EDA2R: variants seen among roughly 807,000 people sequenced by gnomAD.
The protein encoded by EDA2R is tumor necrosis factor receptor superfamily member 27.
EDA2R carries 26 observed loss-of-function variants against 20.1 expected under a neutral mutation model. That is an observed-to-expected ratio of 1.30 (90% CI 0.95 to 1.80). The LOEUF is 1.80. Ranked by LOEUF, EDA2R falls within the 40% of genes most tolerant of loss-of-function variation. The pLI, the probability that EDA2R is intolerant of heterozygous loss-of-function variation, is 0.00. For missense variants in EDA2R, 277 were observed against 228.7 expected, an observed-to-expected ratio of 1.21 and a Z score of -1.36; for synonymous variants, 114 against 88.7, an observed-to-expected ratio of 1.29 and a Z score of -1.60.
intron 1 of EDA2R, among the ~76,000 whole-genome samples, chrX:66,627,682 T>C (rs1313562060): frequency 8.9e-6 from 1 of 111,918 alleles, no homozygotes; most frequent in Non-Finnish European, 1.9e-5. Flanking sequence ...ACAATAATAG[T>C]GGCGAACTTC....
At chrX:66,622,250 G>A (rs1188522722) in intron 1 of EDA2R, among the ~76,000 whole-genome samples, 3 of 111,749 alleles carry the variant, frequency 2.7e-5, no homozygotes, top group African/African-American at 9.8e-5. Context: ...AGACAGGGAA[G>A]AGGAGAAACA....
intron 1 of EDA2R, among the ~76,000 whole-genome samples, chrX:66,633,568 G>A (rs1602337264): frequency 9.0e-6 from 1 of 111,293 alleles, no homozygotes; most frequent in Non-Finnish European, 1.9e-5. Context: ...TGCTATGATT[G>A]TTGTTACTAT....
intron 1 of EDA2R, among the ~76,000 whole-genome samples, chrX:66,634,586 T>C (rs1158965140): frequency 1.8e-5 from 2 of 111,526 alleles, no homozygotes; most frequent in African/African-American, 6.5e-5. Context: ...CCTAAAAGTA[T>C]TATTCAGGAC....
intron 1 of EDA2R, among the ~76,000 whole-genome samples, chrX:66,627,463 A>C (rs2147970506): frequency 8.9e-6 from 1 of 112,610 alleles, no homozygotes; most frequent in African/African-American, 3.2e-5. Context: ...GGACACCAAA[A>C]GTGAGCAGAG....
intron 4 of EDA2R, 137 bp from the exon 5 acceptor site, chrX:66,602,934 T>C (rs1928919155): frequency 1.1e-5 from 6 of 553,616 alleles, no homozygotes; most frequent in Non-Finnish European, 1.7e-5. Flanking sequence ...CTGGTTTTAC[T>C]TCTTTCTAGA....
At chrX:66,619,843 G>T (rs1219046592) in intron 1 of EDA2R, among the ~76,000 whole-genome samples, 1 of 111,564 alleles carries the variant, frequency 9.0e-6, no homozygotes, top group East Asian at 2.8e-4. Flanking sequence ...GGGATTTTTT[G>T]TCTGTTTCTG....
At chrX:66,600,215 G>C (rs967631691) in intron 5 of EDA2R, 29 of 516,341 alleles carry the variant, frequency 5.6e-5, no homozygotes, top group Non-Finnish European at 8.3e-5. Context: ...AGACTCTGCA[G>C]ATGGAATTAA....
intron 1 of EDA2R, among the ~76,000 whole-genome samples, chrX:66,637,874 G>A (rs1361566462): frequency 8.9e-6 from 1 of 111,890 alleles, no homozygotes; most frequent in Admixed American, 9.5e-5. Context: ...ACTCAGAAAG[G>A]GAGAAGTAAT....
intron 1 of EDA2R, among the ~76,000 whole-genome samples, chrX:66,617,138 A>AGG (rs1403714555): frequency 7.1e-5 from 8 of 112,109 alleles, no homozygotes; most frequent in African/African-American, 2.6e-4. Context: ...CAAAGTCCTA[A>AGG]ATGTGTACTC....
intron 2 of EDA2R, among the ~76,000 whole-genome samples, chrX:66,609,043 C>T (rs149917676): frequency 0.011 from 1,272 of 111,580 alleles, 38 homozygotes; most frequent in Admixed American, 0.08. Context: ...AATCATAATG[C>T]AGTATACCAA....
Position 66,605,206 on chromosome X carries a change from A to T in EDA2R, c.108T>A (p.Gly36=), listed in dbSNP as rs750899637. Residue 36 remains glycine, a synonymous_variant, in exon 3 of 7, where the codon GGT becomes GGA. Coordinates refer to ENST00000374719, the MANE Select transcript of EDA2R (RefSeq NM_021783.5). The part of the protein sequence containing the change: ...ELSKDCGYGE[G]GDAYCTACPP... ...GGCAGGCTGTGCAGTAGGCATCTCC[A>T]CCCTCTCCATAACCACAATCCTGTA... 7 of 1,206,823 alleles carry T rather than the reference A, an allele frequency of 5.8e-6. No individual in the cohort carries two copies. In the South Asian group the frequency reaches 9.0e-5, roughly 15 times the overall value.
chrX:66,613,739 C>T (rs1482899840), intron 2 of EDA2R, among the ~76,000 whole-genome samples: 3 of 111,424 alleles, frequency 2.7e-5, no homozygotes, highest in Non-Finnish European at 5.7e-5. Flanking sequence ...GTCTTAAAAT[C>T]GTACGCATTA....
chrX:66,615,904 G>A (rs1332824887), intron 2 of EDA2R, 30 bp downstream of exon 2: 1 of 1,157,136 alleles, frequency 8.6e-7, no homozygotes, highest in Non-Finnish European at 1.2e-6. Flanking sequence ...AGATGCAACA[G>A]AAATAAGTGT....
At chrX:66,635,883 G>A (rs941231438) in intron 1 of EDA2R, among the ~76,000 whole-genome samples, 2 of 111,666 alleles carry the variant, frequency 1.8e-5, no homozygotes, top group Non-Finnish European at 3.8e-5. Flanking sequence ...TTAGCACATA[G>A]TGGAAAAAAT....
intron 4 of EDA2R, 88 bp from the exon 5 acceptor site, chrX:66,602,885 CCCTTCTCCCTAGGG>C: frequency 2.2e-6 from 2 of 893,664 alleles, no homozygotes; most frequent in Non-Finnish European, 1.5e-6. Context: ...CAGGCTGTCA[CCCTTCTCCCTAGGG>C]CCTTCCCCAA....
chrX:66,635,908 A>C (rs2148077442), intron 1 of EDA2R, among the ~76,000 whole-genome samples: 1 of 111,136 alleles, frequency 9.0e-6, no homozygotes, highest in African/African-American at 3.3e-5. Context: ...TATATTCTTT[A>C]ATTTTTTTTT....
Position 66,596,210 on chromosome X carries a change from G to A in EDA2R, c.*1894C>T, listed in dbSNP as rs1228244478. On this transcript the variant is annotated 3_prime_UTR_variant, in exon 7 of 7. Transcript: ENST00000374719. The stretch of plus-strand genomic sequence containing the variant: ...CTGACCAATAACCCCTTTGTAGAAA[G>A]ACACATAAAAGCACAGTGCTCAAAG... 9.0e-6 allele frequency: 1 copy of A among 110,534 alleles called. No homozygotes were observed. Among genetic ancestry groups the A allele is most frequent in the Non-Finnish European group, 1.9e-5 (1 of 52,910 alleles). The allele number at this position is 110,534 out of a possible 1,213,427, so 9.1% of individuals were successfully genotyped here. A position where few individuals can be genotyped will look rare whatever the true frequency, so the allele number is the denominator to read the frequency against.
rs949985525 is a variant in EDA2R, at chrX:66,611,929, C to T, written c.87+4005G>A. On this transcript the variant is annotated intron_variant, in intron 2 of 6. Transcript: ENST00000374719. ...CTAAAAAAAATATATTGAAAATAGC[C>T]AAGAATAAATGGCATTACCTATAGA... Among the ~76,000 whole-genome samples, 3 of 110,740 alleles carry T rather than the reference C, an allele frequency of 2.7e-5. No homozygotes were observed. In the Admixed American group the frequency reaches 2.9e-4, roughly 11 times the overall value.
At chrX:66,610,594 T>G (rs1569235030) in intron 2 of EDA2R, among the ~76,000 whole-genome samples, 1 of 111,792 alleles carries the variant, frequency 8.9e-6, no homozygotes, top group African/African-American at 3.2e-5. Context: ...TCCCTTTCAT[T>G]TTATTGGTTA....
Sources: allele counts gnomAD v4.1 joint callset (sites outside exome capture counted in the v4.1 genomes callset), GRCh38; gene constraint gnomAD v4.1.1; transcripts MANE v1.5; gene names NCBI Gene and HGNC (gene_info 2026-07-23, HGNC 2026-07-21).